Variants in CDC14B observed in about 807,000 individuals in gnomAD.
CDC14B encodes dual specificity protein phosphatase CDC14B.
A neutral mutation model predicts 64.2 loss-of-function variants in CDC14B; 22 were observed. The ratio of observed to expected loss-of-function variants is 0.34; its 90% CI spans 0.24 to 0.49. The LOEUF is 0.49. Among genes scored for constraint, CDC14B ranks in the 20% least tolerant of loss-of-function variants. The pLI is 0.99. For missense variants in CDC14B, 498 were observed against 629.9 expected, an observed-to-expected ratio of 0.79 and a Z score of 2.24; for synonymous variants, 191 against 215.8, an observed-to-expected ratio of 0.89 and a Z score of 1.01.
At chr9:96,618,671 A>G (rs1172483011) in intron 1 of CDC14B, 3 of 513,738 alleles carry the variant, frequency 5.8e-6, no homozygotes, top group African/African-American at 5.8e-5. Flanking sequence ...GGCCCAGGAG[A>G]GGGGCTCGGG....
intron 4 of CDC14B, among the ~76,000 whole-genome samples, chr9:96,559,231 A>T (rs1258058872): frequency 6.6e-6 from 1 of 152,248 alleles, no homozygotes; most frequent in Non-Finnish European, 1.5e-5. Context: ...CTTTCTGTGT[A>T]TACAAGGATG....
At chr9:96,534,741 A>T (rs1839036652) in intron 7 of CDC14B, among the ~76,000 whole-genome samples, 199 bp from the exon 8 acceptor site, 1 of 152,168 alleles carries the variant, frequency 6.6e-6, no homozygotes, top group Non-Finnish European at 1.5e-5. Context: ...GTTCCTAATC[A>T]TCTTCTTTTA....
chr9:96,552,121 A>C (rs1841915763), intron 4 of CDC14B, among the ~76,000 whole-genome samples: 2 of 152,218 alleles, frequency 1.3e-5, no homozygotes, highest in Non-Finnish European at 2.9e-5. Flanking sequence ...TTGTGGTAAG[A>C]AGCACAGTAT....
chr9:96,497,129 G>A (rs1019448459), downstream of CDC14B, among the ~76,000 whole-genome samples: 2 of 152,222 alleles, frequency 1.3e-5, no homozygotes, highest in Admixed American at 1.3e-4. Context: ...CCCACGCGGA[G>A]TCGTCTACCC....
At chr9:96,583,183 T>C (rs962968140) in intron 1 of CDC14B, among the ~76,000 whole-genome samples, 1 of 152,076 alleles carries the variant, frequency 6.6e-6, no homozygotes, top group Non-Finnish European at 1.5e-5. Flanking sequence ...CTGTAAGAAA[T>C]GGGCTCTCAT....
At chr9:96,575,243 G>A (rs751256931) in intron 1 of CDC14B, among the ~76,000 whole-genome samples, 72 of 152,262 alleles carry the variant, frequency 4.7e-4, no homozygotes, top group Non-Finnish European at 7.1e-4. Flanking sequence ...ATGTGCCAGT[G>A]GCTGCTTGCG....
intron 12 of CDC14B, among the ~76,000 whole-genome samples, chr9:96,518,908 G>A (rs1412100321): frequency 6.6e-6 from 1 of 152,086 alleles, no homozygotes; most frequent in African/African-American, 2.4e-5. Flanking sequence ...AGGCCAAGGT[G>A]GGCAGATCAC....
Position 96,607,590 on chromosome 9 carries a change from T to A in CDC14B, c.160+11629A>T, listed in dbSNP as rs549461597. ...TGCCTGCCACCACGCCTGGCTAATT[T>A]TTTTTTGCATTTTTAGTAGAGACGG... On this transcript the variant is annotated intron_variant, in intron 1 of 13. Transcript: ENST00000375241. Among the ~76,000 whole-genome samples, 307 of 151,974 alleles carry A rather than the reference T, an allele frequency of 2.0e-3. 1 individual carries two copies. Among genetic ancestry groups the A allele is most frequent in the African/African-American group, 6.9e-3 (287 of 41,488 alleles).
intron 1 of CDC14B, among the ~76,000 whole-genome samples, chr9:96,595,009 G>A (rs1214770468): frequency 6.6e-6 from 1 of 152,006 alleles, no homozygotes; most frequent in Non-Finnish European, 1.5e-5. Context: ...AATTAGCTGG[G>A]TGTGGTGGCA....
intron 1 of CDC14B, among the ~76,000 whole-genome samples, chr9:96,581,653 T>C (rs1157091964): frequency 6.6e-6 from 1 of 152,026 alleles, no homozygotes; most frequent in Admixed American, 6.6e-5. Flanking sequence ...TATTTACTTT[T>C]TGAGTATTAG....
intron 1 of CDC14B, among the ~76,000 whole-genome samples, chr9:96,617,436 A>C (rs1847699903): frequency 6.6e-6 from 1 of 152,102 alleles, no homozygotes; most frequent in African/African-American, 2.4e-5. Flanking sequence ...AATCTACATA[A>C]ACATTTAAAT....
intron 5 of CDC14B, among the ~76,000 whole-genome samples, chr9:96,549,639 T>A (rs1841505341): frequency 1.3e-5 from 2 of 151,428 alleles, no homozygotes; most frequent in Non-Finnish European, 2.9e-5. Context: ...CACTCCAGCT[T>A]AGCGACAGAG....
intron 13 of CDC14B, among the ~76,000 whole-genome samples, chr9:96,494,748 T>TCCTCC (rs960811427): frequency 7.1e-6 from 1 of 140,110 alleles, no homozygotes; most frequent in Non-Finnish European, 1.6e-5. Flanking sequence ...TTCCTTTTCT[T>TCCTCC]CCTCCCCTCC....
At chr9:96,543,233 G>A (rs949564584) in intron 5 of CDC14B, among the ~76,000 whole-genome samples, 8 of 152,108 alleles carry the variant, frequency 5.3e-5, no homozygotes, top group South Asian at 4.2e-4. Context: ...CTACTCCGAG[G>A]CTGAGGCAGG....
intron 1 of CDC14B, among the ~76,000 whole-genome samples, chr9:96,605,993 T>C (rs981062141): frequency 6.6e-6 from 1 of 151,910 alleles, no homozygotes; most frequent in Non-Finnish European, 1.5e-5. Context: ...TTTTATAGCA[T>C]TAAACAACAA....
intron 5 of CDC14B, among the ~76,000 whole-genome samples, chr9:96,547,643 T>C (rs950493002): frequency 1.3e-5 from 2 of 151,840 alleles, no homozygotes; most frequent in African/African-American, 4.8e-5. Context: ...CAAAGAGAAA[T>C]GGTCTTGCTA....
At chr9:96,549,662 TAA>T (rs797012054) in intron 5 of CDC14B, among the ~76,000 whole-genome samples, 2 of 140,708 alleles carry the variant, frequency 1.4e-5, no homozygotes, top group Admixed American at 1.4e-4. Context: ...AGACTCCGTC[TAA>T]AAAAAAAAAA....
At chr9:96,567,832 T>C (rs72603674) in intron 1 of CDC14B, among the ~76,000 whole-genome samples, 24,280 of 152,186 alleles carry the variant, frequency 0.16, 2,357 homozygotes, top group South Asian at 0.3. Context: ...GGAGTGTCTG[T>C]AACATAAAGG....
chr9:96,583,220 T>A (rs555564993), intron 1 of CDC14B, among the ~76,000 whole-genome samples: 81 of 152,210 alleles, frequency 5.3e-4, no homozygotes, highest in Non-Finnish European at 8.7e-4. Context: ...TATCCACATA[T>A]GCAGATTTGT....
Sources: allele counts gnomAD v4.1 joint callset (sites outside exome capture counted in the v4.1 genomes callset), GRCh38; gene constraint gnomAD v4.1.1; transcripts MANE v1.5; gene names NCBI Gene and HGNC (gene_info 2026-07-23, HGNC 2026-07-21).